ANKRD30B: variants seen among roughly 807,000 people sequenced by gnomAD.
The protein encoded by ANKRD30B is ankyrin repeat domain 30B.
Under a neutral mutation model 202.2 loss-of-function variants are expected in ANKRD30B, and 144 were observed. The observed-to-expected ratio is 0.71, with a 90% CI of 0.62 to 0.82. The LOEUF (loss-of-function observed/expected upper bound fraction) is 0.82, where lower values mean the gene tolerates loss of function less well. Ranked by LOEUF, ANKRD30B falls within the 40% of genes least tolerant of loss-of-function variation. The pLI is 0.00. For synonymous variants in ANKRD30B, 508 were observed against 561.3 expected, an observed-to-expected ratio of 0.91 and a Z score of 1.34; for missense variants, 1,487 against 1,669.1, an observed-to-expected ratio of 0.89 and a Z score of 1.90.
chr18:14,917,454 T>C, the ANKRD30B span, among the ~76,000 whole-genome samples: 8 of 152,158 alleles, frequency 5.3e-5, no homozygotes, highest in Non-Finnish European at 8.8e-5. Context: ...CAGTCCCAGG[T>C]TTCACCCTTC....
Position 14,848,615 on chromosome 18 carries a change from A to G in ANKRD30B, c.3182-101A>G, listed in dbSNP as rs1387024877. ...GCCTTCCACATGGTAGGCAATCAAT[A>G]TATATTTGTTGAGTGTATGAGTTAG... On this transcript the variant is annotated intron_variant, in intron 39 of 43. Transcript: ENST00000690538. 6 of 903,948 alleles carry G rather than the reference A, an allele frequency of 6.6e-6. No individual in the cohort carries two copies. The East Asian group carries it at 1.3e-4, about 19-fold the overall frequency. 56.0% of individuals were successfully genotyped at this position (903,948 alleles called of 1,614,324 possible). A position where few individuals can be genotyped will look rare whatever the true frequency, so the allele number is the denominator to read the frequency against.
chr18:14,837,714 A>G (rs1215492265), intron 36 of ANKRD30B, 38 bp downstream of exon 36: 1 of 1,480,890 alleles, frequency 6.8e-7, no homozygotes, highest in Non-Finnish European at 9.0e-7. Context: ...TTAAAACTTA[A>G]GTACTCAGTA....
intron 11 of ANKRD30B, among the ~76,000 whole-genome samples, chr18:14,782,322 C>G (rs1967799228): frequency 6.6e-6 from 1 of 152,170 alleles, no homozygotes; most frequent in African/African-American, 2.4e-5. Flanking sequence ...GAGTCAATAG[C>G]TGCATGAAGA....
chr18:14,788,659 G>C (rs1448865244), intron 15 of ANKRD30B, among the ~76,000 whole-genome samples: 3 of 150,862 alleles, frequency 2.0e-5, no homozygotes, highest in Admixed American at 6.6e-5. Flanking sequence ...GTTTTTTGTT[G>C]TTGCAATAGT....
At chr18:14,898,700 T>A in the ANKRD30B span, among the ~76,000 whole-genome samples, 2 of 152,240 alleles carry the variant, frequency 1.3e-5, no homozygotes, top group Admixed American at 6.5e-5. Context: ...GTCAGCTCTA[T>A]AATCTCATTA....
chr18:14,800,017 G>C lies in ANKRD30B; in HGVS notation c.2131+722G>C, dbSNP rs555394787. ...AGACCAAGGTGGGCAGATTACTTAA[G>C]GTCAGGAGTCGCAGACGAGCCTGGT... On this transcript the variant is annotated intron_variant, in intron 22 of 43. Coordinates refer to ENST00000690538, the MANE Select transcript of ANKRD30B (RefSeq NM_001367607.2). 1.5e-3 allele frequency among the ~76,000 whole-genome samples: 231 copies of C among 151,978 alleles called. 2 individuals are homozygous for C. Among genetic ancestry groups the C allele is most frequent in the Non-Finnish European group, 1.9e-3 (128 of 67,972 alleles).
At chr18:14,877,293 G>A in the ANKRD30B span, among the ~76,000 whole-genome samples, 4 of 125,182 alleles carry the variant, frequency 3.2e-5, no homozygotes, top group South Asian at 5.8e-4. Context: ...GGCATGGAAC[G>A]GGTACTCAAT....
At chr18:14,811,193 T>C (rs1211096941) in intron 28 of ANKRD30B, among the ~76,000 whole-genome samples, 1 of 151,638 alleles carries the variant, frequency 6.6e-6, no homozygotes, top group African/African-American at 2.4e-5. Flanking sequence ...GTCTTAAATT[T>C]TCTTTTTTTT....
chr18:14,823,334 T>A (rs1970530449), intron 32 of ANKRD30B, among the ~76,000 whole-genome samples: 1 of 116,862 alleles, frequency 8.6e-6, no homozygotes, highest in African/African-American at 3.4e-5. Context: ...CAGGTGAATT[T>A]TGACACTGTG....
Position 14,779,093 on chromosome 18 carries a change from C to A in ANKRD30B, c.1421-867C>A, listed in dbSNP as rs1414730929. On this transcript the variant is annotated intron_variant, in intron 10 of 43. Transcript: ENST00000690538. Reference sequence around the variant, plus strand: ...GGAAGAGGGATTGTGAGGCAGGACACGGGATAAGAGAGAAGATAGCCAGGC... The same window carrying A: ...GGAAGAGGGATTGTGAGGCAGGACAAGGGATAAGAGAGAAGATAGCCAGGC... 2.0e-5 allele frequency among the ~76,000 whole-genome samples: 3 copies of A among 152,228 alleles called. No individual in the cohort carries two copies. In the East Asian group the frequency reaches 5.8e-4, roughly 29 times the overall value.
intron 9 of ANKRD30B, among the ~76,000 whole-genome samples, chr18:14,777,633 G>C (rs1369633929): frequency 3.3e-5 from 5 of 151,772 alleles, no homozygotes; most frequent in African/African-American, 1.2e-4. Context: ...ATTGATGCTT[G>C]TCATTTTTAT....
intron 26 of ANKRD30B, among the ~76,000 whole-genome samples, chr18:14,809,346 G>A (rs1004743090): frequency 3.3e-5 from 5 of 150,976 alleles, no homozygotes; most frequent in African/African-American, 1.2e-4. Flanking sequence ...TGATTAGCAA[G>A]ATATTAATCA....
downstream of ANKRD30B, among the ~76,000 whole-genome samples, chr18:14,856,170 G>T (rs954095200): frequency 3.4e-5 from 5 of 146,768 alleles, no homozygotes; most frequent in Non-Finnish European, 7.6e-5. Flanking sequence ...CCAGGCAGAG[G>T]CGCTCCTCAC....
intron 5 of ANKRD30B, among the ~76,000 whole-genome samples, chr18:14,758,295 TG>T (rs1310363508): frequency 6.6e-6 from 1 of 152,182 alleles, no homozygotes; most frequent in African/African-American, 2.4e-5. Context: ...CCTTAATACT[TG>T]AATTTTTAAA....
Position 14,748,334 on chromosome 18 carries a change from G to T in ANKRD30B, c.-86G>T. 1 of 1,177,512 alleles carries T rather than the reference G, an allele frequency of 8.5e-7. No individual in the cohort carries two copies. The highest frequency in any genetic ancestry group is 1.1e-6 in the Non-Finnish European group (1 of 875,466). 72.9% of individuals were successfully genotyped at this position (1,177,512 alleles called of 1,614,324 possible). A position where few individuals can be genotyped will look rare whatever the true frequency, so the allele number is the denominator to read the frequency against. On this transcript the variant is annotated 5_prime_UTR_variant, in exon 1 of 44. It adds an upstream start codon to the 5' untranslated region. Transcript: ENST00000690538. ...CGAGCCGGGGGCGGGTGCTGGGGAA[G>T]GGTAAGCGGGAAGCGAGGGCGAGGG... is the stretch of plus-strand genomic sequence containing the variant.
Position 14,763,981 on chromosome 18 carries a change from T to C in ANKRD30B, c.1116T>C (p.Thr372=), listed in dbSNP as rs1915681599. Residue 372 remains threonine, a synonymous_variant, in exon 7 of 44, where the codon ACT becomes ACC. Transcript: ENST00000690538. ...AGGAAAAAGAAACATCTGTAAAGAC[T>C]GAATGCGTGGCAGGAGTAACACCTA... is the stretch of plus-strand genomic sequence containing the variant. ...TWEEKETSVK[T]ECVAGVTPNK... is the part of the protein sequence containing the mutation. 2 of 1,603,020 alleles carry C rather than the reference T, an allele frequency of 1.2e-6. No homozygotes were observed. Among genetic ancestry groups the C allele is most frequent in the Admixed American group, 1.7e-5 (1 of 58,334 alleles).
chr18:14,816,316 T>C (rs1251221211), intron 30 of ANKRD30B: 1 of 152,132 alleles, frequency 6.6e-6, no homozygotes, highest in Non-Finnish European at 1.5e-5. Context: ...TGATTTTTTA[T>C]TTTTTTGTTC....
At chr18:14,777,454 C>T (rs1217249237) in intron 9 of ANKRD30B, among the ~76,000 whole-genome samples, 3 of 151,628 alleles carry the variant, frequency 2.0e-5, no homozygotes, top group Non-Finnish European at 4.4e-5. Context: ...CCCACCACCA[C>T]GCCAGGCTAA....
chr18:14,788,575 T>A (rs1219911410), intron 15 of ANKRD30B, among the ~76,000 whole-genome samples: 1 of 150,906 alleles, frequency 6.6e-6, no homozygotes, highest in Non-Finnish European at 1.5e-5. Flanking sequence ...CCCCAGAGTG[T>A]GATGTTCCCC....
Sources: allele counts gnomAD v4.1 joint callset (sites outside exome capture counted in the v4.1 genomes callset), GRCh38; gene constraint gnomAD v4.1.1; transcripts MANE v1.5; gene names NCBI Gene and HGNC (gene_info 2026-07-23, HGNC 2026-07-21).